Variants in DNAJC1 observed in about 807,000 individuals in gnomAD.
DNAJC1 encodes the protein dnaJ homolog subfamily C member 1.
Under a neutral mutation model 76.6 loss-of-function variants are expected in DNAJC1, and 58 were observed. The ratio of observed to expected loss-of-function variants is 0.76; its 90% CI spans 0.61 to 0.94. DNAJC1 has a LOEUF of 0.94. Ranked by LOEUF, DNAJC1 falls within the 40% of genes least tolerant of loss-of-function variation. The pLI is 0.00. For synonymous variants in DNAJC1, 258 were observed against 267.9 expected, an observed-to-expected ratio of 0.96 and a Z score of 0.36; for missense variants, 689 against 677.3, an observed-to-expected ratio of 1.02 and a Z score of -0.19.
At chr10:21,796,263 C>T (rs182443912) in intron 9 of DNAJC1, among the ~76,000 whole-genome samples, 51 of 152,286 alleles carry the variant, frequency 3.3e-4, no homozygotes, top group Middle Eastern at 6.8e-3. Flanking sequence ...AGCCACCTCA[C>T]CCGGCCATTC....
At chr10:21,971,972 C>G (rs1215478586) in intron 1 of DNAJC1, among the ~76,000 whole-genome samples, 1 of 151,892 alleles carries the variant, frequency 6.6e-6, no homozygotes, top group Admixed American at 6.5e-5. Flanking sequence ...CCCTCTCTCA[C>G]CCCACTTTTC....
At chr10:21,911,451 T>G (rs189087039) in intron 6 of DNAJC1, among the ~76,000 whole-genome samples, 77 of 152,276 alleles carry the variant, frequency 5.1e-4, no homozygotes, top group African/African-American at 1.7e-3. Context: ...ACTGTAAAAT[T>G]GTACATTTTG....
At chr10:21,837,856 C>A (rs867136238) in intron 8 of DNAJC1, among the ~76,000 whole-genome samples, 3 of 139,612 alleles carry the variant, frequency 2.1e-5, no homozygotes, top group African/African-American at 8.0e-5. Flanking sequence ...CCAGCCGCCC[C>A]GTCCGGGAGG....
chr10:21,772,280 T>TC (rs1458362037), intron 9 of DNAJC1, among the ~76,000 whole-genome samples: 1 of 149,832 alleles, frequency 6.7e-6, no homozygotes, highest in Non-Finnish European at 1.5e-5. Context: ...TCTTTTTTTT[T>TC]TTTTTTTTTT....
chr10:21,825,608 T>A (rs1308149306), intron 8 of DNAJC1, among the ~76,000 whole-genome samples: 1 of 152,226 alleles, frequency 6.6e-6, no homozygotes, highest in Non-Finnish European at 1.5e-5. Flanking sequence ...ACCACCAACC[T>A]ATTTTAAAAA....
intron 1 of DNAJC1, among the ~76,000 whole-genome samples, chr10:21,980,666 C>A (rs1179483604): frequency 6.6e-6 from 1 of 151,970 alleles, no homozygotes; most frequent in African/African-American, 2.4e-5. Flanking sequence ...GTGTTAATGT[C>A]CTGGTTTTTA....
At position 21,976,613 on chromosome 10, in the gene DNAJC1, A is replaced by G. The variant is rs142528550; in HGVS notation, c.222+26600T>C. On this transcript the variant is annotated intron_variant, in intron 1 of 11. Transcript: ENST00000376980. The stretch of plus-strand genomic sequence containing the variant: ...ACCATATTAGTGGGGGAGAGTTAAA[A>G]GGAATATGTACATACTGTATTTCTT... 4.9e-3 allele frequency among the ~76,000 whole-genome samples: 745 copies of G among 152,318 alleles called. 6 individuals are homozygous for G. The highest frequency in any genetic ancestry group is 0.017 in the African/African-American group (694 of 41,574).
intron 1 of DNAJC1, among the ~76,000 whole-genome samples, chr10:22,002,843 A>G (rs1838543449): frequency 6.6e-6 from 1 of 151,196 alleles, no homozygotes; most frequent in African/African-American, 2.4e-5. Flanking sequence ...GGAAGGCAAA[A>G]GGTAGGTGTT....
intron 6 of DNAJC1, among the ~76,000 whole-genome samples, chr10:21,907,803 C>G (rs1277340344): frequency 6.7e-6 from 1 of 149,924 alleles, no homozygotes; most frequent in East Asian, 2.0e-4. Context: ...ATGGTGAAGC[C>G]CCATGTGTAC....
Position 21,832,941 on chromosome 10 carries a change from T to C in DNAJC1, c.979-26842A>G, listed in dbSNP as rs552099744. ...CTAAATTACTCACTGTTCCTGATGA[T>C]ATGCTCTGAGTAGTTCTGTCTCAAG... On this transcript the variant is annotated intron_variant, in intron 8 of 11. Coordinates refer to ENST00000376980, the MANE Select transcript of DNAJC1 (RefSeq NM_022365.4). Among the ~76,000 whole-genome samples, 12 of 152,314 alleles carry C rather than the reference T, an allele frequency of 7.9e-5. No homozygotes were observed. In the South Asian group the frequency reaches 2.3e-3, roughly 29 times the overall value.
rs779370823 is a variant in DNAJC1, at chr10:21,953,821, TAA to T, written c.223-24682_223-24681del. ...GTGGTAAAAAACTAAAACTGAACTT[TAA>T]AAAAAAAAAAAAAAAAAAAAAAGAA... On this transcript the variant is annotated intron_variant, in intron 1 of 11. Coordinates refer to ENST00000376980, the MANE Select transcript of DNAJC1 (RefSeq NM_022365.4). 1.9e-3 allele frequency among the ~76,000 whole-genome samples: 158 copies of T among 84,930 alleles called. 3 individuals are homozygous for T. The East Asian group carries it at 0.045, about 24-fold the overall frequency. 55.7% of individuals were successfully genotyped at this position (84,930 alleles called of 152,430 possible).
intron 11 of DNAJC1, among the ~76,000 whole-genome samples, chr10:21,758,779 G>T (rs913301468): frequency 1.3e-5 from 2 of 152,212 alleles, no homozygotes; most frequent in East Asian, 1.9e-4. Flanking sequence ...CCTCAGCCTG[G>T]TTCAAAGGAG....
At chr10:21,813,244 A>ATATATATATGCATG (rs1429581567) in intron 8 of DNAJC1, among the ~76,000 whole-genome samples, 1 of 122,952 alleles carries the variant, frequency 8.1e-6, no homozygotes, top group African/African-American at 4.0e-5. Context: ...ATATATATAT[A>ATATATATATGCATG]CACATACAGC....
chr10:21,868,034 C>T (rs1275063101), intron 8 of DNAJC1, among the ~76,000 whole-genome samples: 2 of 137,966 alleles, frequency 1.4e-5, no homozygotes, highest in East Asian at 4.8e-4. Context: ...GAAGATCGCG[C>T]CACTGCACTC....
chr10:21,825,261 T>G (rs938776431), intron 8 of DNAJC1, among the ~76,000 whole-genome samples: 1 of 152,240 alleles, frequency 6.6e-6, no homozygotes, highest in African/African-American at 2.4e-5. Flanking sequence ...TTGCATTGTG[T>G]CTCTACAGAT....
At chr10:21,864,233 GA>G (rs1201671987) in intron 8 of DNAJC1, among the ~76,000 whole-genome samples, 1 of 151,182 alleles carries the variant, frequency 6.6e-6, no homozygotes, top group Non-Finnish European at 1.5e-5. Context: ...CAAAAAGAAG[GA>G]AACAAAAAAC....
intron 6 of DNAJC1, among the ~76,000 whole-genome samples, chr10:21,907,029 A>G (rs1165568971): frequency 6.6e-6 from 1 of 152,042 alleles, no homozygotes; most frequent in African/African-American, 2.4e-5. Context: ...TTCTCACTTC[A>G]TTTTGCTGTA....
At chr10:21,963,166 A>G (rs1446317034) in intron 1 of DNAJC1, among the ~76,000 whole-genome samples, 2 of 152,240 alleles carry the variant, frequency 1.3e-5, no homozygotes, top group Non-Finnish European at 2.9e-5. Context: ...TACACTTTAT[A>G]AAAACAAGTA....
At chr10:21,831,722 G>A (rs920682301) in intron 8 of DNAJC1, among the ~76,000 whole-genome samples, 21 of 151,298 alleles carry the variant, frequency 1.4e-4, no homozygotes, top group Non-Finnish European at 2.9e-4. Context: ...CCTAGGAGGT[G>A]GAGCTTGTAG....
Sources: allele counts gnomAD v4.1 joint callset (sites outside exome capture counted in the v4.1 genomes callset), GRCh38; gene constraint gnomAD v4.1.1; transcripts MANE v1.5; gene names NCBI Gene and HGNC (gene_info 2026-07-23, HGNC 2026-07-21).